ARMC2: variants seen among roughly 807,000 people sequenced by gnomAD.
The protein encoded by ARMC2 is armadillo repeat containing 2.
Under a neutral mutation model 90.3 loss-of-function variants are expected in ARMC2, and 67 were observed. That is an observed-to-expected ratio of 0.74 (90% CI 0.61 to 0.91). The LOEUF (loss-of-function observed/expected upper bound fraction) is 0.91, where lower values mean the gene tolerates loss of function less well. Among genes scored for constraint, ARMC2 ranks in the 40% least tolerant of loss-of-function variants. ARMC2 has a pLI of 0.00. For synonymous variants in ARMC2, 393 were observed against 393.0 expected, an observed-to-expected ratio of 1.00 and a Z score of 0.00; for missense variants, 920 against 1,030.9, an observed-to-expected ratio of 0.89 and a Z score of 1.47.
At chr6:108,850,721 G>C (rs549327444) in intron 1 of ARMC2, among the ~76,000 whole-genome samples, 1 of 152,282 alleles carries the variant, frequency 6.6e-6, no homozygotes, top group South Asian at 2.1e-4. Context: ...CTTAGCTCAA[G>C]TCTATATTTA....
At chr6:108,980,179 G>A in the ARMC2 span, among the ~76,000 whole-genome samples, 3 of 152,108 alleles carry the variant, frequency 2.0e-5, no homozygotes, top group Non-Finnish European at 4.4e-5. Context: ...AGGTCTCTGA[G>A]TGGACGTCCT....
At chr6:109,048,170 T>C in the ARMC2 span, among the ~76,000 whole-genome samples, 124 of 152,184 alleles carry the variant, frequency 8.1e-4, no homozygotes, top group Middle Eastern at 3.4e-3. Flanking sequence ...ACAAGAAGAA[T>C]GACCTTCACA....
the ARMC2 span, among the ~76,000 whole-genome samples, chr6:109,052,573 A>G: frequency 5.9e-5 from 9 of 152,178 alleles, no homozygotes; most frequent in Non-Finnish European, 1.3e-4. Flanking sequence ...TCCCAATGTT[A>G]TTGAAAATGA....
At chr6:108,858,075 T>G in intron 2 of ARMC2, 124 bp from the exon 3 acceptor site, 1 of 595,660 alleles carries the variant, frequency 1.7e-6, no homozygotes, top group Non-Finnish European at 2.8e-6. Flanking sequence ...TGAAAAAATG[T>G]TTTTCCTCAT....
At chr6:108,860,745 A>C (rs1464885770) in intron 3 of ARMC2, among the ~76,000 whole-genome samples, 1 of 150,816 alleles carries the variant, frequency 6.6e-6, no homozygotes, top group Non-Finnish European at 1.5e-5. Flanking sequence ...ACCTGTAGTT[A>C]GGGGGATCTG....
At chr6:108,994,018 T>C in the ARMC2 span, among the ~76,000 whole-genome samples, 1,067 of 152,010 alleles carry the variant, frequency 7.0e-3, 12 homozygotes, top group African/African-American at 0.024. Context: ...CATGTGTCTG[T>C]AGTCCTAGCT....
chr6:108,881,984 A>G (rs1021253641), intron 5 of ARMC2, among the ~76,000 whole-genome samples: 4 of 152,182 alleles, frequency 2.6e-5, no homozygotes, highest in Admixed American at 2.0e-4. Context: ...GATAGGAACC[A>G]ACGTGGGACT....
the ARMC2 span, among the ~76,000 whole-genome samples, chr6:109,010,177 T>C: frequency 1.3e-5 from 2 of 152,158 alleles, no homozygotes; most frequent in Non-Finnish European, 2.9e-5. Flanking sequence ...CTTTACAATT[T>C]CTAATATTCC....
intron 5 of ARMC2, among the ~76,000 whole-genome samples, chr6:108,890,215 A>ACC (rs1411000083): frequency 1.6e-5 from 2 of 122,986 alleles, no homozygotes; most frequent in Non-Finnish European, 3.4e-5. Context: ...AAAAAAAAAA[A>ACC]AAAAAAAAAA....
intron 7 of ARMC2, among the ~76,000 whole-genome samples, chr6:108,900,080 G>A (rs1771975389): frequency 6.6e-6 from 1 of 152,094 alleles, no homozygotes; most frequent in Admixed American, 6.6e-5. Flanking sequence ...TCTGTCCAAG[G>A]AAATGCTGGT....
At chr6:109,028,228 T>C in the ARMC2 span, among the ~76,000 whole-genome samples, 1 of 152,234 alleles carries the variant, frequency 6.6e-6, no homozygotes, top group African/African-American at 2.4e-5. Flanking sequence ...TATTTGAAAA[T>C]AAATCTTCTC....
chr6:108,963,499 ACAGGGCAGCCCCTCTCAGGTG>A (rs1166213997), intron 15 of ARMC2, among the ~76,000 whole-genome samples: 1 of 152,218 alleles, frequency 6.6e-6, no homozygotes, highest in Non-Finnish European at 1.5e-5. Context: ...CGGGGCTAGA[ACAGGGCAGCCCCTCTCAGGTG>A]CACGTACTGT....
chr6:108,922,149 G>T lies in ARMC2; in HGVS notation c.1351-5939G>T, dbSNP rs546385536. On this transcript the variant is annotated intron_variant, in intron 10 of 17. Transcript: ENST00000392644. ...TCCACTCTGGACATGATCAGTGTGTGTGGAGGTTGCCCCACCTCGCACCCA... is the reference window on the plus strand; with the variant it reads ...TCCACTCTGGACATGATCAGTGTGTTTGGAGGTTGCCCCACCTCGCACCCA... Among the ~76,000 whole-genome samples the T allele has an allele frequency of 3.5e-4, 54 of 152,344 alleles. 1 individual carries two copies. In the South Asian group the frequency reaches 0.011, roughly 31 times the overall value.
chr6:108,901,471 A>G (rs1443422939), intron 7 of ARMC2, among the ~76,000 whole-genome samples: 1 of 150,934 alleles, frequency 6.6e-6, no homozygotes, highest in Non-Finnish European at 1.5e-5. Flanking sequence ...GCTGGAGTGC[A>G]GTGGCACGAT....
chr6:109,031,629 A>G, the ARMC2 span, among the ~76,000 whole-genome samples: 1 of 152,184 alleles, frequency 6.6e-6, no homozygotes, highest in Non-Finnish European at 1.5e-5. Flanking sequence ...GGCAGCACTT[A>G]TCTCTAAGCA....
downstream of ARMC2, among the ~76,000 whole-genome samples, chr6:108,976,553 T>C (rs1778986634): frequency 6.6e-6 from 1 of 152,222 alleles, no homozygotes; most frequent in African/African-American, 2.4e-5. Context: ...AAGTCAGTGG[T>C]AGCTTGATGG....
chr6:108,985,207 GGTCT>G, the ARMC2 span, among the ~76,000 whole-genome samples: 1 of 152,074 alleles, frequency 6.6e-6, no homozygotes, highest in Admixed American at 6.5e-5. Flanking sequence ...ATCTCCTGGT[GGTCT>G]GTATCAAAAT....
At chr6:108,937,940 C>A (rs1308344409) in intron 12 of ARMC2, among the ~76,000 whole-genome samples, 1 of 152,086 alleles carries the variant, frequency 6.6e-6, no homozygotes, top group Admixed American at 6.5e-5. Flanking sequence ...TCATGATCCG[C>A]CCACCTTGGC....
chr6:108,888,044 C>A (rs977290502), intron 5 of ARMC2, among the ~76,000 whole-genome samples: 1 of 152,186 alleles, frequency 6.6e-6, no homozygotes, highest in Non-Finnish European at 1.5e-5. Context: ...TAGGCTGCAG[C>A]GTTACGTAGA....
Sources: gnomAD v4.1 joint callset for allele counts (sites outside exome capture counted in the v4.1 genomes callset) on GRCh38, gnomAD v4.1.1 for gene constraint, MANE v1.5 for transcripts, NCBI Gene and HGNC (gene_info 2026-07-23, HGNC 2026-07-21) for gene names.